STIM1: variants seen among roughly 807,000 people sequenced by gnomAD.
STIM1 encodes the protein stromal interaction molecule 1.
In STIM1, 25 loss-of-function variants were observed where a neutral mutation model predicts 74.7. That is an observed-to-expected ratio of 0.33 (90% CI 0.24 to 0.47). STIM1 has a LOEUF of 0.47. Among genes scored for constraint, STIM1 ranks in the 20% least tolerant of loss-of-function variants. STIM1 has a pLI of 1.00. For synonymous variants in STIM1, 328 were observed against 348.8 expected (o/e 0.94, Z 0.66); for missense variants, 728 against 920.8 (o/e 0.79, Z 2.71).
intron 1 of STIM1, among the ~76,000 whole-genome samples, chr11:3,939,618 C>T (rs2092980006): frequency 6.6e-6 from 1 of 152,132 alleles, no homozygotes. Context: ...CTTATTAAGT[C>T]ATTTTAGAGA....
chr11:3,953,476 CG>C (rs1253296143), intron 1 of STIM1, among the ~76,000 whole-genome samples: 2 of 152,170 alleles, frequency 1.3e-5, no homozygotes, highest in Non-Finnish European at 2.9e-5. Context: ...CCAGGGAGCC[CG>C]GTTGCATAGG....
At chr11:4,061,120 C>G (rs755743687) in intron 5 of STIM1, among the ~76,000 whole-genome samples, 10 of 152,320 alleles carry the variant, frequency 6.6e-5, no homozygotes, top group Admixed American at 2.0e-4. Context: ...CAAGCTTTAT[C>G]TGTATCAAAA....
intron 2 of STIM1, among the ~76,000 whole-genome samples, chr11:3,989,937 C>G (rs563285392): frequency 2.0e-5 from 3 of 152,194 alleles, no homozygotes; most frequent in Non-Finnish European, 4.4e-5. Flanking sequence ...CATTTATATA[C>G]AATTCAATGG....
rs139362092 is a variant in STIM1 at position 4,069,647 on chromosome 11, T to C, written c.614-379T>C. 5.6e-3 allele frequency among the ~76,000 whole-genome samples: 848 copies of C among 152,302 alleles called. 6 individuals are homozygous for C. The highest frequency in any genetic ancestry group is 8.2e-3 in the Non-Finnish European group (555 of 68,028). ...TCTCCATTTACCTACTGTGGAACTTTAGAATTGCTTACCCTGTATGACAGA... is the reference window on the plus strand; with the variant it reads ...TCTCCATTTACCTACTGTGGAACTTCAGAATTGCTTACCCTGTATGACAGA... On this transcript the variant is annotated intron_variant, in intron 5 of 12. Transcript: ENST00000526596.
At chr11:4,042,679 CTAGAG>C (rs1231392014) in intron 3 of STIM1, among the ~76,000 whole-genome samples, 2 of 152,190 alleles carry the variant, frequency 1.3e-5, no homozygotes, top group Non-Finnish European at 2.9e-5. Flanking sequence ...TCCAGACAAA[CTAGAG>C]TCAGTGTTCT....
At chr11:3,948,618 G>A (rs2093108153) in intron 1 of STIM1, among the ~76,000 whole-genome samples, 1 of 152,162 alleles carries the variant, frequency 6.6e-6, no homozygotes, top group Non-Finnish European at 1.5e-5. Context: ...TAGAAGACAT[G>A]TATAAGCAGG....
rs116781568 is a variant in STIM1, at chr11:3,979,709, G to A, written c.270+12027G>A. On this transcript the variant is annotated intron_variant, in intron 2 of 12. Coordinates refer to ENST00000526596, the MANE Select transcript of STIM1 (RefSeq NM_001382567.1). ...TCACCTCAGCCTCCCAAGTTGCCGG[G>A]GATTACAGGTGAGAGCCACTGCACC... Among the ~76,000 whole-genome samples, 320 of 152,218 alleles carry A rather than the reference G, an allele frequency of 2.1e-3. 1 individual carries two copies. Among genetic ancestry groups the A allele is most frequent in the African/African-American group, 7.5e-3 (311 of 41,536 alleles).
At chr11:4,072,665 C>T (rs1040115461) in intron 6 of STIM1, among the ~76,000 whole-genome samples, 5 of 152,102 alleles carry the variant, frequency 3.3e-5, no homozygotes, top group East Asian at 1.9e-4. Context: ...TAAAGGAGCT[C>T]GCTATTATTA....
chr11:3,915,751 T>G (rs1458299451), intron 1 of STIM1, among the ~76,000 whole-genome samples: 3 of 152,136 alleles, frequency 2.0e-5, no homozygotes, highest in African/African-American at 7.2e-5. Flanking sequence ...TGTTTGTGCT[T>G]TTGTGTTGTA....
intron 1 of STIM1, among the ~76,000 whole-genome samples, chr11:3,943,856 A>G (rs1041516990): frequency 5.9e-5 from 9 of 152,282 alleles, no homozygotes; most frequent in South Asian, 2.1e-4. Flanking sequence ...TCATATCACT[A>G]TGACTTAAAG....
chr11:3,870,741 A>C (rs1590510344), intron 1 of STIM1, among the ~76,000 whole-genome samples: 1 of 151,224 alleles, frequency 6.6e-6, no homozygotes, highest in East Asian at 1.9e-4. Flanking sequence ...CAAGCAATCC[A>C]CCCACCTCAG....
chr11:3,862,738 G>A (rs1012041638), intron 1 of STIM1, among the ~76,000 whole-genome samples: 3 of 152,002 alleles, frequency 2.0e-5, no homozygotes, highest in Non-Finnish European at 1.5e-5. Flanking sequence ...GAGCCACCGT[G>A]CCCAGCCAAG....
At chr11:3,914,468 A>T (rs1002165426) in intron 1 of STIM1, among the ~76,000 whole-genome samples, 1 of 152,086 alleles carries the variant, frequency 6.6e-6, no homozygotes, top group African/African-American at 2.4e-5. Flanking sequence ...TTTGAGACGG[A>T]GTCTCACTCT....
intron 2 of STIM1, among the ~76,000 whole-genome samples, chr11:4,019,822 A>C (rs768274174): frequency 2.0e-5 from 3 of 152,184 alleles, no homozygotes; most frequent in Non-Finnish European, 4.4e-5. Context: ...TCTTCTAGCT[A>C]TTTTGAAATA....
intron 2 of STIM1, among the ~76,000 whole-genome samples, chr11:4,007,186 G>A (rs191777506): frequency 6.6e-6 from 1 of 152,078 alleles, no homozygotes; most frequent in South Asian, 2.1e-4. Flanking sequence ...GCTCTTTGTA[G>A]AACTATTGAG....
At chr11:4,045,723 A>AT (rs1039968041) in intron 3 of STIM1, among the ~76,000 whole-genome samples, 27 of 144,842 alleles carry the variant, frequency 1.9e-4, no homozygotes, top group African/African-American at 6.6e-4. Context: ...ATGTGCTGGG[A>AT]TTATAGTCAT....
chr11:4,091,324 T>G lies in STIM1; in HGVS notation c.1677T>G (p.Ser559Arg), dbSNP rs2094523437. The G allele has an allele frequency of 6.2e-7, 1 of 1,614,068 alleles. No homozygotes were observed. The highest frequency in any genetic ancestry group is 8.5e-7 in the Non-Finnish European group (1 of 1,180,046). ...HSDSESSLHM[S>R]DRQRVAPKPP... Reference sequence around the variant, plus strand: ...ATTCGGAGTCCTCCCTCCACATGAGTGACCGCCAGCGTGTGGCCCCCAAAC... The same window carrying G: ...ATTCGGAGTCCTCCCTCCACATGAGGGACCGCCAGCGTGTGGCCCCCAAAC... The change falls in exon 13 of 13, where the codon AGT becomes AGG. Residue 559 changes from serine (S) to arginine (R), a missense_variant. This residue lies in a region of STIM1 where 352 missense variants were observed against 370.1 expected (regional missense o/e 0.95). Transcript: ENST00000526596.
intron 2 of STIM1, among the ~76,000 whole-genome samples, chr11:4,013,808 C>T (rs1052305769): frequency 1.3e-5 from 2 of 149,436 alleles, no homozygotes; most frequent in Admixed American, 6.7e-5. Flanking sequence ...GGTTTCACGC[C>T]ATTCTCCTGC....
chr11:3,886,476 C>T (rs1268467672), intron 1 of STIM1, among the ~76,000 whole-genome samples: 1 of 151,938 alleles, frequency 6.6e-6, no homozygotes, highest in Non-Finnish European at 1.5e-5. Flanking sequence ...ATCACGAGGT[C>T]AGGAGATCGA....
Sources: allele counts gnomAD v4.1 joint callset (sites outside exome capture counted in the v4.1 genomes callset), GRCh38; gene constraint gnomAD v4.1.1; regional missense constraint gnomAD v4.1.1; transcripts MANE v1.5; gene names NCBI Gene and HGNC (gene_info 2026-07-23, HGNC 2026-07-21).